HECW2: variants seen among roughly 807,000 people sequenced by gnomAD.
The protein encoded by HECW2 is E3 ubiquitin-protein ligase HECW2.
Under a neutral mutation model 175.2 loss-of-function variants are expected in HECW2, and 61 were observed. The observed-to-expected ratio is 0.35, with a 90% CI of 0.28 to 0.43. The LOEUF (loss-of-function observed/expected upper bound fraction) is 0.43, where lower values mean the gene tolerates loss of function less well. HECW2 is among the 20% of genes least tolerant of loss of function. The pLI, the probability that HECW2 is intolerant of heterozygous loss-of-function variation, is 1.00. For synonymous variants in HECW2, 671 were observed against 731.0 expected (o/e 0.92, Z 1.32); for missense variants, 1,524 against 2,000.5 (o/e 0.76, Z 4.54).
intron 1 of HECW2, among the ~76,000 whole-genome samples, chr2:196,461,896 G>C (rs1696760025): frequency 6.6e-6 from 1 of 152,118 alleles, no homozygotes; most frequent in Admixed American, 6.5e-5. Context: ...TTCAGGATGA[G>C]ATTTTGGGTG....
At chr2:196,387,422 AC>A (rs1409452986) in intron 2 of HECW2, among the ~76,000 whole-genome samples, 1 of 152,078 alleles carries the variant, frequency 6.6e-6, no homozygotes, top group Non-Finnish European at 1.5e-5. Context: ...CTGCTCTTCC[AC>A]CATATGAGGA....
At chr2:196,376,268 G>C in intron 2 of HECW2, among the ~76,000 whole-genome samples, 1 of 152,048 alleles carries the variant, frequency 6.6e-6, no homozygotes, top group African/African-American at 2.4e-5. Context: ...TAGACAAAAA[G>C]CCACATCAAA....
Position 196,200,458 on chromosome 2 carries a change from A to G in HECW2, c.*819T>C, listed in dbSNP as rs2105750134. On this transcript the variant is annotated 3_prime_UTR_variant, in exon 29 of 29. Coordinates refer to ENST00000644978, the MANE Select transcript of HECW2 (RefSeq NM_001348768.2). ...GAGTGATACATACAGCATGATAGGT[A>G]GGTTCTTATATACATCTTAAAGAAC... The G allele has an allele frequency of 6.5e-6, 1 of 152,790 alleles. No homozygotes were observed. The highest frequency in any genetic ancestry group is 2.1e-4 in the South Asian group (1 of 4,824). The allele number at this position is 152,790 out of a possible 1,614,324, so 9.5% of individuals were successfully genotyped here.
At chr2:196,273,250 G>A (rs550176990) in intron 16 of HECW2, among the ~76,000 whole-genome samples, 59 of 152,076 alleles carry the variant, frequency 3.9e-4, no homozygotes, top group Non-Finnish European at 7.2e-4. Flanking sequence ...TGTATTTTTA[G>A]TAGAGACGGG....
intron 3 of HECW2, among the ~76,000 whole-genome samples, chr2:196,340,694 A>AG (rs1261330679): frequency 2.7e-5 from 4 of 150,848 alleles, no homozygotes; most frequent in African/African-American, 9.7e-5. Flanking sequence ...TTGCAAGGGT[A>AG]GGGGGTGAGT....
At chr2:196,437,336 G>A (rs1453404817) in intron 1 of HECW2, among the ~76,000 whole-genome samples, 2 of 152,046 alleles carry the variant, frequency 1.3e-5, no homozygotes, top group African/African-American at 4.8e-5. Flanking sequence ...CACCAGCCGG[G>A]CGCAGTGGCT....
At chr2:196,389,809 G>A (rs1694454486) in intron 2 of HECW2, among the ~76,000 whole-genome samples, 1 of 152,140 alleles carries the variant, frequency 6.6e-6, no homozygotes, top group Non-Finnish European at 1.5e-5. Flanking sequence ...GAGTTCAGAT[G>A]TTTAAAGGTT....
intron 1 of HECW2, among the ~76,000 whole-genome samples, chr2:196,472,481 C>CAAAAAAAAAAA (rs538116476): frequency 1.4e-5 from 1 of 71,380 alleles, no homozygotes; most frequent in Non-Finnish European, 2.8e-5. Flanking sequence ...GAGACTCCGT[C>CAAAAAAAAAAA]AAAAAAAAAA....
chr2:196,252,002 C>T (rs1171830937), intron 19 of HECW2, among the ~76,000 whole-genome samples: 1 of 151,710 alleles, frequency 6.6e-6, no homozygotes, highest in Admixed American at 6.6e-5. Context: ...AGTTTGAGAC[C>T]AGCCTGGCCA....
At chr2:196,584,679 A>G (rs999209041) in intron 1 of HECW2, among the ~76,000 whole-genome samples, 4 of 151,836 alleles carry the variant, frequency 2.6e-5, no homozygotes, top group African/African-American at 9.7e-5. Context: ...TCATAGGGCT[A>G]TTTTCAACTC....
rs895094229 is a variant in HECW2 at position 196,343,873 on chromosome 2, A to G, written c.293-109T>C. 1.6e-5 allele frequency: 12 copies of G among 744,546 alleles called. No homozygotes were observed. The Middle Eastern group carries it at 9.6e-4, about 60-fold the overall frequency. The allele number at this position is 744,546 out of a possible 1,614,324, so 46.1% of individuals were successfully genotyped here. ...ATGGAAAAAAGATAAATGAGAAAAT[A>G]TAATGCACATTATTCTTAATGACTA... On this transcript the variant is annotated intron_variant, in intron 2 of 28. Coordinates refer to ENST00000644978, the MANE Select transcript of HECW2 (RefSeq NM_001348768.2).
chr2:196,203,776 C>T (rs1328282601), intron 28 of HECW2, among the ~76,000 whole-genome samples: 1 of 152,154 alleles, frequency 6.6e-6, no homozygotes, highest in Non-Finnish European at 1.5e-5. Context: ...CATTAGTACA[C>T]CTACGTTATT....
intron 4 of HECW2, among the ~76,000 whole-genome samples, chr2:196,333,698 AT>A (rs1239073387): frequency 6.6e-6 from 1 of 152,246 alleles, no homozygotes; most frequent in Non-Finnish European, 1.5e-5. Context: ...GTAGCTGTGT[AT>A]TGTGAGACTG....
At chr2:196,297,414 T>C (rs955280542) in intron 13 of HECW2, among the ~76,000 whole-genome samples, 1 of 152,246 alleles carries the variant, frequency 6.6e-6, no homozygotes, top group African/African-American at 2.4e-5. Flanking sequence ...ACATGTTTGT[T>C]TGAGGTTGTA....
At chr2:196,592,950 C>A (rs1214197066) in intron 1 of HECW2, 2 of 151,602 alleles carry the variant, frequency 1.3e-5, no homozygotes, top group African/African-American at 2.4e-5. Flanking sequence ...ACGGCTGCTG[C>A]GGCCGCTGCC....
intron 2 of HECW2, chr2:196,361,992 T>TG: frequency 1.0e-6 from 1 of 985,388 alleles, no homozygotes; most frequent in Middle Eastern, 5.2e-4. Flanking sequence ...AAGGTGGCTG[T>TG]GAAAGCTCTG....
intron 1 of HECW2, among the ~76,000 whole-genome samples, chr2:196,567,397 GGT>G (rs1261334526): frequency 6.6e-6 from 1 of 152,166 alleles, no homozygotes; most frequent in Non-Finnish European, 1.5e-5. Flanking sequence ...TGCCAGAAGT[GGT>G]GTGCTGATGT....
chr2:196,242,177 G>A lies in HECW2; in HGVS notation c.3557C>T (p.Pro1186Leu). 6.2e-7 allele frequency: 1 copy of A among 1,614,200 alleles called. No individual in the cohort carries two copies. Among genetic ancestry groups the A allele is most frequent in the Non-Finnish European group, 8.5e-7 (1 of 1,180,024 alleles). The stretch of plus-strand genomic sequence containing the variant: ...TTCGAAATCCCGCTTGTAAGGGGCT[G>A]GAGCCCGGGCATTGGCACGCTGGGT... Reference protein sequence around the residue: ...PGTQRANARAPAPYKRDFEAK... With the variant: ...PGTQRANARALAPYKRDFEAK... The change falls in exon 20 of 29, where the codon CCA becomes CTA. Residue 1186 changes from proline (P) to leucine (L), a missense_variant. Physicochemically the swap from Pro to Leu is moderately conservative, Grantham distance 98. Transcript: ENST00000644978.
intron 1 of HECW2, among the ~76,000 whole-genome samples, chr2:196,530,272 G>T (rs1688798240): frequency 6.6e-6 from 1 of 152,184 alleles, no homozygotes; most frequent in South Asian, 2.1e-4. Flanking sequence ...TTAAATAAAT[G>T]TATGGACATT....
Sources: gnomAD v4.1 joint callset for allele counts (sites outside exome capture counted in the v4.1 genomes callset) on GRCh38, gnomAD v4.1.1 for gene constraint, MANE v1.5 for transcripts, NCBI Gene and HGNC (gene_info 2026-07-23, HGNC 2026-07-21) for gene names.